Variants in UFD1 observed in about 807,000 individuals in gnomAD.
UFD1 encodes the protein ubiquitin recognition factor in ER associated degradation 1.
Under a neutral mutation model 45.9 loss-of-function variants are expected in UFD1, and 13 were observed. The ratio of observed to expected loss-of-function variants is 0.28; its 90% CI spans 0.18 to 0.45. UFD1 has a LOEUF of 0.45. Ranked by LOEUF, UFD1 falls within the 20% of genes least tolerant of loss-of-function variation. The pLI is 1.00. For missense variants in UFD1, 218 were observed against 389.2 expected (o/e 0.56, Z 3.70); for synonymous variants, 128 against 139.2 (o/e 0.92, Z 0.56).
chr22:19,453,957 G>A, intron 11 of UFD1: 4 of 985,584 alleles, frequency 4.1e-6, no homozygotes, highest in Non-Finnish European at 4.8e-6. Flanking sequence ...ACAAAGAGGT[G>A]ACTGCGTTCC....
At chr22:19,478,499 G>A (rs1341595480) in intron 1 of UFD1, among the ~76,000 whole-genome samples, 1 of 152,176 alleles carries the variant, frequency 6.6e-6, no homozygotes, top group Non-Finnish European at 1.5e-5. Flanking sequence ...GGATTGTAGG[G>A]ATTAAAAGAA....
chr22:19,479,177 C>A lies in UFD1; in HGVS notation c.-92G>T, dbSNP rs1265850082. On this transcript the variant is annotated 5_prime_UTR_variant, in exon 1 of 12. Coordinates refer to ENST00000263202, the MANE Select transcript of UFD1 (RefSeq NM_005659.7). ...CTCCCAGCCGCCGCTGCCGCTGCCGCCGCGCCAAGCCGGTACGCCCCAGAG... is the reference window on the plus strand; with the variant it reads ...CTCCCAGCCGCCGCTGCCGCTGCCGACGCGCCAAGCCGGTACGCCCCAGAG... 20 of 1,575,100 alleles carry A rather than the reference C, an allele frequency of 1.3e-5. No homozygotes were observed. Among genetic ancestry groups the A allele is most frequent in the Non-Finnish European group, 1.7e-5 (20 of 1,161,820 alleles).
At chr22:19,475,637 A>G in intron 1 of UFD1, 35 bp from the exon 2 acceptor site, 1 of 1,612,900 alleles carries the variant, frequency 6.2e-7, no homozygotes, top group Non-Finnish European at 8.5e-7. Flanking sequence ...TATTAAAACA[A>G]AGGTACATTT....
At chr22:19,468,779 C>T (rs551278060) in intron 4 of UFD1, among the ~76,000 whole-genome samples, 2 of 152,328 alleles carry the variant, frequency 1.3e-5, no homozygotes, top group South Asian at 4.1e-4. Flanking sequence ...CTCAGTCCAT[C>T]GATCAGCACT....
intron 2 of UFD1, 152 bp downstream of exon 2, chr22:19,475,318 C>A (rs1156243030): frequency 7.0e-6 from 9 of 1,278,936 alleles, no homozygotes; most frequent in South Asian, 3.0e-5. Flanking sequence ...AGCACCCCAC[C>A]CCAACAGAGC....
intron 11 of UFD1, chr22:19,453,410 C>G: frequency 1.0e-6 from 1 of 985,450 alleles, no homozygotes; most frequent in Non-Finnish European, 1.2e-6. Flanking sequence ...TAAACATATA[C>G]TTCTTAAATA....
chr22:19,478,651 A>T (rs2089913336), intron 1 of UFD1: 1 of 247,144 alleles, frequency 4.0e-6, no homozygotes, highest in African/African-American at 2.3e-5. Flanking sequence ...CACGGAGCTC[A>T]CGGAGCTGGG....
Position 19,450,504 on chromosome 22 carries a change from CT to C in UFD1, c.*165del. ...TCAAGCATACAACTACAAAGTCCTG[CT>C]GCTCCACTTCCAAGTCAAACTTAAT... On this transcript the variant is annotated 3_prime_UTR_variant, in exon 12 of 12. Coordinates refer to ENST00000263202, the MANE Select transcript of UFD1 (RefSeq NM_005659.7). 1.2e-6 allele frequency: 1 copy of C among 863,980 alleles called. No individual in the cohort carries two copies. The highest frequency in any genetic ancestry group is 1.7e-6 in the Non-Finnish European group (1 of 572,206). 53.5% of individuals were successfully genotyped at this position (863,980 alleles called of 1,614,324 possible). A position where few individuals can be genotyped will look rare whatever the true frequency, so the allele number is the denominator to read the frequency against.
In UFD1 at chr22:19,456,500, G is replaced by A. The variant is rs188951785; in HGVS notation, c.678+87C>T. The A allele has an allele frequency of 1.3e-5, 21 of 1,562,924 alleles. No individual in the cohort carries two copies. The African/African-American group carries it at 1.6e-4, about 12-fold the overall frequency. The stretch of plus-strand genomic sequence containing the variant: ...GGCCTAACCCCTGCTGATGTCCATC[G>A]AGCATCATGGAGAACACCTTGAGTG... On this transcript the variant is annotated intron_variant, in intron 9 of 11. Coordinates refer to ENST00000263202, the MANE Select transcript of UFD1 (RefSeq NM_005659.7).
At chr22:19,462,126 G>T (rs2089772035) in intron 6 of UFD1, among the ~76,000 whole-genome samples, 1 of 151,964 alleles carries the variant, frequency 6.6e-6, no homozygotes, top group South Asian at 2.1e-4. Context: ...CAGCCTCCCA[G>T]GTAGCTGGGA....
rs1277759781 is a variant in UFD1 at position 19,450,519 on chromosome 22, G to A, written c.*151C>T. ...CAAAGTCCTGCTGCTCCACTTCCAA[G>A]TCAAACTTAATAATTCTTAGGTAAC... is the stretch of plus-strand genomic sequence containing the variant. On this transcript the variant is annotated 3_prime_UTR_variant, in exon 12 of 12. Coordinates refer to ENST00000263202, the MANE Select transcript of UFD1 (RefSeq NM_005659.7). 8 of 1,031,632 alleles carry A rather than the reference G, an allele frequency of 7.8e-6. No individual in the cohort carries two copies. 63.9% of individuals were successfully genotyped at this position (1,031,632 alleles called of 1,614,324 possible). A position where few individuals can be genotyped will look rare whatever the true frequency, so the allele number is the denominator to read the frequency against.
rs1474076881 is a variant in UFD1 at position 19,465,229 on chromosome 22, A to G, written c.468T>C (p.Asp156=). 3 of 1,614,080 alleles carry G rather than the reference A, an allele frequency of 1.9e-6. No individual in the cohort carries two copies. The African/African-American group carries it at 4.0e-5, about 22-fold the overall frequency. ...LRNFACLTTG[D]VIAINYNEKI... ...TTTCATTATAGTTGATGGCAATCAC[A>G]TCCCCGGTGGTCAGACAGGCAAAGT... The change falls in exon 6 of 12, where the codon GAT becomes GAC. Residue 156 remains aspartate, a synonymous_variant. Transcript: ENST00000263202.
intron 3 of UFD1, among the ~76,000 whole-genome samples, chr22:19,472,382 A>G (rs987550787): frequency 3.3e-5 from 5 of 152,120 alleles, no homozygotes; most frequent in African/African-American, 1.2e-4. Flanking sequence ...CAGGTGTGCG[A>G]GTGGTTGGGA....
chr22:19,456,944 A>T (rs1465849341), intron 7 of UFD1, 26 bp from the exon 8 acceptor site: 2 of 1,492,362 alleles, frequency 1.3e-6, no homozygotes, highest in Admixed American at 3.9e-5. Flanking sequence ...TTTAAAAGTA[A>T]AATATTGAGA....
chr22:19,452,871 G>T, intron 11 of UFD1: 1 of 190,156 alleles, frequency 5.3e-6, no homozygotes, highest in Non-Finnish European at 9.7e-6. Context: ...CTCTCTAGAA[G>T]CTTTAGGATC....
intron 7 of UFD1, 60 bp downstream of exon 7, chr22:19,458,011 G>A: frequency 1.3e-6 from 2 of 1,593,082 alleles, no homozygotes; most frequent in Non-Finnish European, 8.6e-7. Context: ...GCCTGCAGTG[G>A]TCACCAACTG....
At chr22:19,468,075 C>A in intron 4 of UFD1, 72 bp from the exon 5 acceptor site, 2 of 1,564,366 alleles carry the variant, frequency 1.3e-6, no homozygotes, top group Non-Finnish European at 1.7e-6. Context: ...TCCCTATACA[C>A]TGGGCAGGCC....
At chr22:19,466,521 G>A (rs1178510020) in intron 5 of UFD1, 1 of 152,240 alleles carries the variant, frequency 6.6e-6, no homozygotes, top group Admixed American at 6.5e-5. Flanking sequence ...AACAGCATCT[G>A]AGATCAACCT....
intron 6 of UFD1, among the ~76,000 whole-genome samples, chr22:19,460,600 G>A (rs958417030): frequency 1.1e-4 from 17 of 152,088 alleles, no homozygotes; most frequent in Non-Finnish European, 2.2e-4. Flanking sequence ...CTGCACAGAA[G>A]CAAGACACAA....
Sources: allele counts gnomAD v4.1 joint callset (sites outside exome capture counted in the v4.1 genomes callset), GRCh38; gene constraint gnomAD v4.1.1; transcripts MANE v1.5; gene names NCBI Gene and HGNC (gene_info 2026-07-23, HGNC 2026-07-21).